Variants in COL25A1 observed in about 807,000 individuals in gnomAD.
The protein encoded by COL25A1 is collagen alpha-1(XXV) chain.
Under a neutral mutation model 128.4 loss-of-function variants are expected in COL25A1, and 103 were observed. The observed-to-expected ratio is 0.80, with a 90% confidence interval of 0.68 to 0.94. The LOEUF (loss-of-function observed/expected upper bound fraction) is 0.94. Ranked by LOEUF, COL25A1 falls within the 40% of genes least tolerant of loss-of-function variation. The pLI is 0.00. For synonymous variants in COL25A1, 279 were observed against 277.2 expected (o/e 1.01, Z -0.06); for missense variants, 745 against 840.0 (o/e 0.89, Z 1.40).
rs148856208 is a variant in COL25A1, at chr4:108,913,459, T to A, written c.780+4713A>T. ...TTTTAGTACAGACGGGGTTTCCCCATGTTGGTCAGGCTGGTCTCGAACTCC... is the reference window on the plus strand; with the variant it reads ...TTTTAGTACAGACGGGGTTTCCCCAAGTTGGTCAGGCTGGTCTCGAACTCC... On this transcript the variant is annotated intron_variant, in intron 13 of 37. Coordinates refer to ENST00000399132, the MANE Select transcript of COL25A1 (RefSeq NM_198721.4). 2.5e-3 allele frequency among the ~76,000 whole-genome samples: 377 copies of A among 152,004 alleles called. 2 individuals carry two copies. The highest frequency in any genetic ancestry group is 8.8e-3 in the African/African-American group (364 of 41,502).
chr4:109,255,420 G>A (rs912054150), intron 3 of COL25A1, among the ~76,000 whole-genome samples: 1 of 152,152 alleles, frequency 6.6e-6, no homozygotes, highest in Non-Finnish European at 1.5e-5. Context: ...TGGTTTGGGT[G>A]TTATCCAAAT....
At chr4:108,836,227 G>T (rs1425045419) in intron 31 of COL25A1, among the ~76,000 whole-genome samples, 1 of 152,052 alleles carries the variant, frequency 6.6e-6, no homozygotes, top group African/African-American at 2.4e-5. Context: ...TTGTTCATTT[G>T]TTTAAGGCTA....
intron 3 of COL25A1, among the ~76,000 whole-genome samples, chr4:109,199,511 T>G (rs1776385316): frequency 6.6e-6 from 1 of 152,090 alleles, no homozygotes; most frequent in African/African-American, 2.4e-5. Context: ...TAATCTTATT[T>G]GCCCCTGAGA....
At chr4:108,851,260 C>G (rs1735749237) in intron 26 of COL25A1, among the ~76,000 whole-genome samples, 1 of 151,914 alleles carries the variant, frequency 6.6e-6, no homozygotes. Context: ...AATCCCACAC[C>G]TTATATTAAT....
At position 108,846,158 on chromosome 4, in the gene COL25A1, A is replaced by G; in HGVS notation, c.1496T>C (p.Ile499Thr). The part of the protein sequence containing the change: ...DPGMTGEKGG[I>T]GLPGLPGANG... ...ACATACCGGTAATCCAGGAAGTCCA[A>G]TTCCTCCTTTTTCACCTGTCATACC... Residue 499 changes from isoleucine (I) to threonine (T), a missense_variant, in exon 28 of 38, where the codon ATT becomes ACT. Transcript: ENST00000399132. 1.2e-6 allele frequency: 2 copies of G among 1,611,498 alleles called. No homozygotes were observed. The highest frequency in any genetic ancestry group is 1.7e-6 in the Non-Finnish European group (2 of 1,177,624).
At chr4:108,983,790 C>G (rs1445409311) in intron 6 of COL25A1, among the ~76,000 whole-genome samples, 1 of 152,066 alleles carries the variant, frequency 6.6e-6, no homozygotes, top group African/African-American at 2.4e-5. Flanking sequence ...CGTGGTCTCG[C>G]TGGCTTCAGG....
At chr4:109,256,649 G>A (rs1781107095) in intron 3 of COL25A1, among the ~76,000 whole-genome samples, 1 of 152,052 alleles carries the variant, frequency 6.6e-6, no homozygotes, top group Non-Finnish European at 1.5e-5. Context: ...AACACTCATG[G>A]AGCTTTTGTG....
At chr4:108,970,011 C>T (rs1337412575) in intron 8 of COL25A1, among the ~76,000 whole-genome samples, 1 of 152,192 alleles carries the variant, frequency 6.6e-6, no homozygotes, top group East Asian at 1.9e-4. Context: ...AAGTGATTCT[C>T]CTGCCTCAGC....
intron 8 of COL25A1, among the ~76,000 whole-genome samples, chr4:108,947,948 C>A (rs1281384464): frequency 6.6e-6 from 1 of 152,062 alleles, no homozygotes; most frequent in Non-Finnish European, 1.5e-5. Flanking sequence ...ATGAAATCTC[C>A]AAGTCTCTCT....
At chr4:108,960,603 G>A (rs1169169505) in intron 8 of COL25A1, among the ~76,000 whole-genome samples, 2 of 152,236 alleles carry the variant, frequency 1.3e-5, no homozygotes, top group African/African-American at 2.4e-5. Flanking sequence ...CAAGGACTAC[G>A]TTAGAGCCCC....
chr4:108,914,040 A>G (rs1471625448), intron 13 of COL25A1, among the ~76,000 whole-genome samples: 3 of 152,234 alleles, frequency 2.0e-5, no homozygotes, highest in African/African-American at 7.2e-5. Context: ...TTTTGTGTTC[A>G]ATATAATTAG....
At chr4:109,216,270 AAAGGAAGG>A (rs150574564) in intron 3 of COL25A1, among the ~76,000 whole-genome samples, 2,827 of 148,204 alleles carry the variant, frequency 0.019, 86 homozygotes, top group Admixed American at 0.082. Context: ...GGAAGGAAAA[AAAGGAAGG>A]AAGGAAGGAA....
At chr4:108,895,125 G>A (rs978883628) in intron 16 of COL25A1, among the ~76,000 whole-genome samples, 3 of 152,068 alleles carry the variant, frequency 2.0e-5, no homozygotes, top group African/African-American at 4.8e-5. Context: ...TAGACTCCTC[G>A]AATATGAATA....
intron 3 of COL25A1, among the ~76,000 whole-genome samples, chr4:109,108,276 C>T (rs1012201349): frequency 2.0e-5 from 3 of 152,010 alleles, no homozygotes; most frequent in Non-Finnish European, 4.4e-5. Flanking sequence ...TGAGAATATG[C>T]GGTGTTTGGT....
At chr4:109,001,372 C>CAAGCATCTGAGATCCTGTCAGGT (rs1755346205) in intron 6 of COL25A1, among the ~76,000 whole-genome samples, 3 of 24,148 alleles carry the variant, frequency 1.2e-4, no homozygotes, top group Non-Finnish European at 2.6e-4. Flanking sequence ...TTAAAAGAAA[C>CAAGCATCTGAGATCCTGTCAGGT]AGGCATCTGA....
chr4:109,013,748 C>G (rs1471181266), intron 5 of COL25A1, among the ~76,000 whole-genome samples: 2 of 152,154 alleles, frequency 1.3e-5, no homozygotes, highest in Non-Finnish European at 2.9e-5. Context: ...AGCGAGACCA[C>G]GAACCCAACC....
chr4:109,234,693 T>G (rs887797329), intron 3 of COL25A1, among the ~76,000 whole-genome samples: 21 of 151,930 alleles, frequency 1.4e-4, no homozygotes. Flanking sequence ...CCAGCAAAAA[T>G]GGTCACAATC....
chr4:109,168,622 C>T (rs1368493014), intron 3 of COL25A1, among the ~76,000 whole-genome samples: 1 of 152,096 alleles, frequency 6.6e-6, no homozygotes. Context: ...TTCCCATTGA[C>T]ATATATGACT....
chr4:108,908,375 C>T (rs1578731035), intron 13 of COL25A1, among the ~76,000 whole-genome samples: 1 of 152,126 alleles, frequency 6.6e-6, no homozygotes, highest in Non-Finnish European at 1.5e-5. Flanking sequence ...CCTCCTAGAA[C>T]ATCCTAGGAA....
Sources: gnomAD v4.1 joint callset for allele counts (sites outside exome capture counted in the v4.1 genomes callset) on GRCh38, gnomAD v4.1.1 for gene constraint, MANE v1.5 for transcripts, NCBI Gene and HGNC (gene_info 2026-07-23, HGNC 2026-07-21) for gene names.